The following MDGA2 variants were observed in gnomAD, a reference collection of about 807,000 sequenced individuals.
The protein encoded by MDGA2 is MAM domain-containing glycosylphosphatidylinositol anchor protein 2.
In MDGA2, 40 loss-of-function variants were observed where a neutral mutation model predicts 117.8. That is an observed-to-expected ratio of 0.34 (90% CI 0.26 to 0.44). The LOEUF (loss-of-function observed/expected upper bound fraction) is 0.44, where lower values mean the gene tolerates loss of function less well. Ranked by LOEUF, MDGA2 falls within the 20% of genes least tolerant of loss-of-function variation. The probability of loss-of-function intolerance (pLI) is 1.00; values close to 1 mark genes in which losing one functional copy is unlikely to be tolerated. For missense variants in MDGA2, 1,123 were observed against 1,250.6 expected, an observed-to-expected ratio of 0.90 and a Z score of 1.54; for synonymous variants, 452 against 439.0, an observed-to-expected ratio of 1.03 and a Z score of -0.37.
chr14:47,367,971 C>A lies in MDGA2; in HGVS notation c.281-66421G>T, dbSNP rs117225568. Among the ~76,000 whole-genome samples, 91 of 152,174 alleles carry A rather than the reference C, an allele frequency of 6.0e-4. 2 individuals are homozygous for A. The East Asian group carries it at 0.016, about 27-fold the overall frequency. Reference sequence around the variant, plus strand: ...ATCAAAGTAAAGTACCCTATGTTAGCCACACACTTTCTAAAAAGAAAGATA... The same window carrying A: ...ATCAAAGTAAAGTACCCTATGTTAGACACACACTTTCTAAAAAGAAAGATA... On this transcript the variant is annotated intron_variant, in intron 1 of 16. Coordinates refer to ENST00000399232, the MANE Select transcript of MDGA2 (RefSeq NM_001113498.3).
chr14:47,633,622 T>C (rs1897276271), intron 1 of MDGA2, among the ~76,000 whole-genome samples: 1 of 152,186 alleles, frequency 6.6e-6, no homozygotes, highest in Admixed American at 6.5e-5. Context: ...AGAATTCCAA[T>C]ACATCCCAAA....
intron 16 of MDGA2, among the ~76,000 whole-genome samples, chr14:46,844,998 C>T (rs1041449693): frequency 3.3e-5 from 5 of 152,186 alleles, no homozygotes; most frequent in Non-Finnish European, 7.3e-5. Context: ...TCTCCTGCCT[C>T]GGCCTCCCGA....
At position 47,537,573 on chromosome 14, in the gene MDGA2, T is replaced by TAAAAAAAAAAAAAAAAAAAAAAAAAAA. The variant is rs1566504353; in HGVS notation, c.280+136943_280+136944insTTTTTTTTTTTTTTTTTTTTTTTTTTT. 1.4e-4 allele frequency among the ~76,000 whole-genome samples: 8 copies of TAAAAAAAAAAAAAAAAAAAAAAAAAAA among 57,110 alleles called. 3 individuals carry two copies. The highest frequency in any genetic ancestry group is 2.4e-4 in the Non-Finnish European group (7 of 29,090). The allele number at this position is 57,110 out of a possible 152,430, so 37.5% of individuals were successfully genotyped here. ...ATTATCCACTGTTACCTTCTCTCTGTTAAAAAAAAAAAAAAAAAAAAAAAA... is the reference window on the plus strand; with the variant it reads ...ATTATCCACTGTTACCTTCTCTCTGTAAAAAAAAAAAAAAAAAAAAAAAAAAATAAAAAAAAAAAAAAAAAAAAAAAA... On this transcript the variant is annotated intron_variant, in intron 1 of 16. Transcript: ENST00000399232.
At chr14:47,618,230 A>C (rs894260522) in intron 1 of MDGA2, among the ~76,000 whole-genome samples, 4 of 152,256 alleles carry the variant, frequency 2.6e-5, no homozygotes, top group African/African-American at 9.6e-5. Context: ...AGTCAGTCTT[A>C]AATATCATTC....
At chr14:47,029,907 A>G (rs974523653) in intron 8 of MDGA2, among the ~76,000 whole-genome samples, 2 of 151,784 alleles carry the variant, frequency 1.3e-5, no homozygotes, top group African/African-American at 4.8e-5. Flanking sequence ...GGGTCACTGC[A>G]ACCTCTACCT....
chr14:47,379,913 A>C (rs1486382950), intron 1 of MDGA2, among the ~76,000 whole-genome samples: 10 of 152,232 alleles, frequency 6.6e-5, no homozygotes, highest in Non-Finnish European at 4.4e-5. Flanking sequence ...GGTCAAGAGA[A>C]TATACATTCT....
At chr14:47,367,763 G>A (rs957160845) in intron 1 of MDGA2, among the ~76,000 whole-genome samples, 3 of 152,018 alleles carry the variant, frequency 2.0e-5, no homozygotes, top group Admixed American at 6.6e-5. Flanking sequence ...CTCTGCTTTC[G>A]TTAATTTCCT....
intron 6 of MDGA2, among the ~76,000 whole-genome samples, chr14:47,095,488 T>C (rs1029929042): frequency 6.6e-6 from 1 of 151,938 alleles, no homozygotes; most frequent in African/African-American, 2.4e-5. Flanking sequence ...GGCCAATAAA[T>C]GACATATTTT....
intron 3 of MDGA2, among the ~76,000 whole-genome samples, chr14:47,166,416 T>A (rs904248308): frequency 6.6e-6 from 1 of 152,194 alleles, no homozygotes; most frequent in Non-Finnish European, 1.5e-5. Flanking sequence ...TAGAATTTAT[T>A]TCATCAGTTC....
intron 1 of MDGA2, among the ~76,000 whole-genome samples, chr14:47,311,764 T>C (rs1475059649): frequency 6.6e-6 from 1 of 152,138 alleles, no homozygotes; most frequent in African/African-American, 2.4e-5. Context: ...ACAAAATTAA[T>C]ATCCCCAGTG....
intron 1 of MDGA2, among the ~76,000 whole-genome samples, chr14:47,541,106 A>G (rs1895344076): frequency 6.6e-6 from 1 of 152,206 alleles, no homozygotes; most frequent in South Asian, 2.1e-4. Context: ...AAATGACTGA[A>G]GCAGGCTGGG....
At chr14:47,222,843 A>T (rs914798583) in intron 2 of MDGA2, among the ~76,000 whole-genome samples, 5 of 152,228 alleles carry the variant, frequency 3.3e-5, no homozygotes, top group Non-Finnish European at 7.3e-5. Flanking sequence ...GAAAATTAAA[A>T]GGAAAATTGC....
intron 3 of MDGA2, among the ~76,000 whole-genome samples, chr14:47,165,724 G>T (rs913703156): frequency 2.0e-5 from 3 of 152,086 alleles, no homozygotes; most frequent in African/African-American, 7.2e-5. Flanking sequence ...TTAGGCCTTT[G>T]CCAAAACTGA....
intron 1 of MDGA2, among the ~76,000 whole-genome samples, chr14:47,603,899 C>T (rs912254547): frequency 6.6e-6 from 1 of 152,078 alleles, no homozygotes; most frequent in Non-Finnish European, 1.5e-5. Context: ...TGTGTGGTAC[C>T]TTCCCTGCTC....
intron 8 of MDGA2, among the ~76,000 whole-genome samples, chr14:46,982,850 A>C (rs1041634869): frequency 3.3e-5 from 5 of 151,766 alleles, no homozygotes; most frequent in African/African-American, 1.2e-4. Flanking sequence ...TATGTTGAAT[A>C]GGAGTGGTCA....
In MDGA2 at chr14:47,532,718, A is replaced by T. The variant is rs538102742; in HGVS notation, c.280+141799T>A. Among the ~76,000 whole-genome samples the T allele has an allele frequency of 2.2e-4, 34 of 152,316 alleles. No homozygotes were observed. The South Asian group carries it at 6.4e-3, about 29-fold the overall frequency. On this transcript the variant is annotated intron_variant, in intron 1 of 16. Transcript: ENST00000399232. ...AATATTTTTTTCTTTGTATCAGTTA[A>T]AACTTTTTATTGCTGCCAGTAACAG...
chr14:47,448,205 T>G (rs1400876468), intron 1 of MDGA2, among the ~76,000 whole-genome samples: 1 of 151,856 alleles, frequency 6.6e-6, no homozygotes, highest in Non-Finnish European at 1.5e-5. Context: ...GGCTGGAGGG[T>G]AGTGGCAAGA....
At chr14:47,269,268 T>C (rs2148510) in intron 2 of MDGA2, among the ~76,000 whole-genome samples, 129,467 of 152,062 alleles carry the variant, frequency 0.85, 55,318 homozygotes, top group East Asian at 0.93. Context: ...ATAGGCCCTT[T>C]GAAACGATCC....
chr14:47,000,828 T>C (rs996404547), intron 8 of MDGA2, among the ~76,000 whole-genome samples: 1 of 151,944 alleles, frequency 6.6e-6, no homozygotes, highest in Admixed American at 6.6e-5. Context: ...AGTATCAACA[T>C]AGAGAAGAAA....
Sources: gnomAD v4.1 joint callset for allele counts (sites outside exome capture counted in the v4.1 genomes callset) on GRCh38, gnomAD v4.1.1 for gene constraint, MANE v1.5 for transcripts, NCBI Gene and HGNC (gene_info 2026-07-23, HGNC 2026-07-21) for gene names.